Variants in ITIH6 observed in about 807,000 individuals in gnomAD.
The protein encoded by ITIH6 is inter-alpha-trypsin inhibitor heavy chain family member 6.
Under a neutral mutation model 58.2 loss-of-function variants are expected in ITIH6, and 60 were observed. That is an observed-to-expected ratio of 1.03 (90% CI 0.84 to 1.28). The LOEUF is 1.28. ITIH6 is among the 50% of genes most tolerant of loss of function. ITIH6 has a pLI of 0.00. For missense variants in ITIH6, 1,290 were observed against 1,021.1 expected (o/e 1.26, Z -3.59); for synonymous variants, 493 against 417.4 (o/e 1.18, Z -2.21).
chrX:54,770,733 A>C (rs1240071668), intron 6 of ITIH6, among the ~76,000 whole-genome samples: 1 of 112,542 alleles, frequency 8.9e-6, no homozygotes, highest in African/African-American at 3.2e-5. Flanking sequence ...AAAAAATATT[A>C]TCTGTTAGGT....
At chrX:54,759,321 A>G (rs1458541250) in intron 7 of ITIH6, among the ~76,000 whole-genome samples, 1 of 111,292 alleles carries the variant, frequency 9.0e-6, no homozygotes. Context: ...CCCCCCTCCA[A>G]CCTTCTTGCT....
Position 54,774,369 on chromosome X carries a change from T to C in ITIH6, c.787-172A>G, listed in dbSNP as rs767705482. Among the ~76,000 whole-genome samples, 154 of 112,899 alleles carry C rather than the reference T, an allele frequency of 1.4e-3. 2 individuals are homozygous for C. The highest frequency in any genetic ancestry group is 4.4e-3 in the African/African-American group (137 of 31,152). On this transcript the variant is annotated intron_variant, in intron 5 of 12. Transcript: ENST00000218436. ...TTTGCTCACTGTCCATCTCCTTCAC[T>C]AGAACCGTGTCTCAGCTCTTCAGAC...
chrX:54,765,961 G>C lies in ITIH6; in HGVS notation c.904-6034C>G, dbSNP rs1355118809. 3.6e-5 allele frequency among the ~76,000 whole-genome samples: 4 copies of C among 111,452 alleles called. No individual in the cohort carries two copies. The Admixed American group carries it at 3.8e-4, about 11-fold the overall frequency. ...TTGGTAGATTGATGGGGATGGCATTGAATCTGTAAATTACCTTAGGCAGTA... is the reference window on the plus strand; with the variant it reads ...TTGGTAGATTGATGGGGATGGCATTCAATCTGTAAATTACCTTAGGCAGTA... On this transcript the variant is annotated intron_variant, in intron 6 of 12. Coordinates refer to ENST00000218436, the MANE Select transcript of ITIH6 (RefSeq NM_198510.3).
chrX:54,776,583 T>G (rs1447774981), intron 5 of ITIH6, among the ~76,000 whole-genome samples: 5 of 110,554 alleles, frequency 4.5e-5, no homozygotes, highest in African/African-American at 1.7e-4. Context: ...AAAGACGTTG[T>G]CTTGCATCTT....
At chrX:54,763,737 G>A (rs1419387510) in intron 6 of ITIH6, among the ~76,000 whole-genome samples, 1 of 111,831 alleles carries the variant, frequency 8.9e-6, no homozygotes, top group Non-Finnish European at 1.9e-5. Context: ...TTTTCTGCCT[G>A]CTGAATCTGT....
chrX:54,766,706 T>C (rs1928796176), intron 6 of ITIH6, among the ~76,000 whole-genome samples: 1 of 96,723 alleles, frequency 1.0e-5, no homozygotes. Flanking sequence ...GATTTGCGTA[T>C]ATTGAACCAG....
intron 11 of ITIH6, among the ~76,000 whole-genome samples, chrX:54,751,800 T>G (rs948007667): frequency 8.9e-6 from 1 of 112,040 alleles, no homozygotes; most frequent in African/African-American, 3.3e-5. Flanking sequence ...GTATGTTGTG[T>G]GTACCTGGTT....
intron 11 of ITIH6, among the ~76,000 whole-genome samples, chrX:54,751,647 G>A (rs1431179712): frequency 8.9e-6 from 1 of 112,166 alleles, no homozygotes; most frequent in Non-Finnish European, 1.9e-5. Flanking sequence ...ATGTGTGTTT[G>A]GTTATGTTCA....
At position 54,791,963 on chromosome X, in the gene ITIH6, G is replaced by A; in HGVS notation, c.331C>T (p.His111Tyr). 1.7e-6 allele frequency: 2 copies of A among 1,202,933 alleles called. No individual in the cohort carries two copies. The highest frequency in any genetic ancestry group is 2.3e-6 in the Non-Finnish European group (2 of 887,635). ...HQAKKIYEEA[H>Y]QQGKTAAHVG... ...TGAGCAGCTGTCTTTCCCTGCTGAT[G>A]GGCTTCTTCATAGATTTTCTTTGCC... Residue 111 changes from histidine to tyrosine, a missense_variant, in exon 3 of 13, where the codon CAT becomes TAT. Coordinates refer to ENST00000218436, the MANE Select transcript of ITIH6 (RefSeq NM_198510.3).
intron 8 of ITIH6, among the ~76,000 whole-genome samples, chrX:54,755,756 G>A (rs1004948648): frequency 5.4e-5 from 6 of 110,854 alleles, no homozygotes; most frequent in Admixed American, 4.8e-4. Flanking sequence ...TCAGAGAATG[G>A]GTGGGAGAGA....
At chrX:54,794,400 C>T (rs1929404688) in intron 2 of ITIH6, among the ~76,000 whole-genome samples, 1 of 111,372 alleles carries the variant, frequency 9.0e-6, no homozygotes, top group South Asian at 3.8e-4. Flanking sequence ...TTGGCCCTTA[C>T]ATCATTTGAC....
intron 6 of ITIH6, among the ~76,000 whole-genome samples, chrX:54,770,041 C>T (rs1360379627): frequency 5.4e-5 from 6 of 111,870 alleles, no homozygotes; most frequent in East Asian, 2.8e-4. Flanking sequence ...ATTCCGTGGG[C>T]GTAGGACCCT....
rs147271897 is a variant in ITIH6, at chrX:54,749,275, T to G, written c.*620A>C. On this transcript the variant is annotated 3_prime_UTR_variant, in exon 13 of 13. Transcript: ENST00000218436. ...CCTTGCCCTCAAAGATCTCACAGTC[T>G]AAGTCAGGGATCCAGACAAGTAAAC... is the stretch of plus-strand genomic sequence containing the variant. 8.9e-6 allele frequency: 1 copy of G among 111,797 alleles called. No individual in the cohort carries two copies. Among genetic ancestry groups the G allele is most frequent in the South Asian group, 3.8e-4 (1 of 2,656 alleles). 9.2% of individuals were successfully genotyped at this position (111,797 alleles called of 1,213,427 possible).
chrX:54,752,586 C>G (rs1928387976), intron 11 of ITIH6, among the ~76,000 whole-genome samples: 1 of 111,878 alleles, frequency 8.9e-6, no homozygotes, highest in African/African-American at 3.2e-5. Flanking sequence ...AAACAATAGC[C>G]AACACCATAG....
chrX:54,791,803 G>A, intron 3 of ITIH6, 123 bp downstream of exon 3: 1 of 427,270 alleles, frequency 2.3e-6, no homozygotes, highest in Non-Finnish European at 4.1e-6. Context: ...ACATGATCCT[G>A]TGAAGTAGAG....
chrX:54,762,084 TC>T (rs1457198281), intron 6 of ITIH6, among the ~76,000 whole-genome samples: 3 of 111,976 alleles, frequency 2.7e-5, no homozygotes, highest in Non-Finnish European at 5.6e-5. Flanking sequence ...GGAATGTTCT[TC>T]CATTTATTTG....
At chrX:54,761,939 A>G (rs1928655453) in intron 6 of ITIH6, among the ~76,000 whole-genome samples, 1 of 111,704 alleles carries the variant, frequency 9.0e-6, no homozygotes, top group Non-Finnish European at 1.9e-5. Flanking sequence ...TTGGTTCCAT[A>G]TGAACTTTAA....
At position 54,790,603 on chromosome X, in the gene ITIH6, T is replaced by C. The variant is rs1406899834; in HGVS notation, c.616+234A>G. 3.7e-5 allele frequency among the ~76,000 whole-genome samples: 4 copies of C among 109,471 alleles called. No homozygotes were observed. The Admixed American group carries it at 3.9e-4, about 11-fold the overall frequency. ...ACTGATTTTTTTTTTTTTAGGGAAA[T>C]CAAGAGTCTGGGAAGTTTCTAATGT... is the stretch of plus-strand genomic sequence containing the variant. On this transcript the variant is annotated intron_variant, in intron 4 of 12. Transcript: ENST00000218436.
At chrX:54,786,058 C>A (rs1228445595) in intron 5 of ITIH6, among the ~76,000 whole-genome samples, 1 of 111,917 alleles carries the variant, frequency 8.9e-6, no homozygotes, top group Non-Finnish European at 1.9e-5. Flanking sequence ...TTTCAAGAAG[C>A]CTCTGATGCA....
Sources: allele counts gnomAD v4.1 joint callset (sites outside exome capture counted in the v4.1 genomes callset), GRCh38; gene constraint gnomAD v4.1.1; transcripts MANE v1.5; gene names NCBI Gene and HGNC (gene_info 2026-07-23, HGNC 2026-07-21).